The following GALNT13 variants were observed in gnomAD, a reference collection of about 807,000 sequenced individuals.
GALNT13 encodes UDP-GalNAc:polypeptide N-acetylgalactosaminyltransferase 13.
A neutral mutation model predicts 64.2 loss-of-function variants in GALNT13; 28 were observed. The observed-to-expected ratio is 0.44, with a 90% CI of 0.32 to 0.60. GALNT13 has a LOEUF of 0.60. Ranked by LOEUF, GALNT13 falls within the 20% of genes least tolerant of loss-of-function variation. GALNT13 has a pLI of 0.05. For synonymous variants in GALNT13, 214 were observed against 224.6 expected (o/e 0.95, Z 0.42); for missense variants, 577 against 669.8 (o/e 0.86, Z 1.53).
At chr2:153,748,047 A>G in the GALNT13 span, among the ~76,000 whole-genome samples, 1 of 152,220 alleles carries the variant, frequency 6.6e-6, no homozygotes, top group Admixed American at 6.6e-5. Flanking sequence ...AGTATATATA[A>G]AATATTAGTT....
chr2:153,798,548 A>G, the GALNT13 span, among the ~76,000 whole-genome samples: 1 of 152,156 alleles, frequency 6.6e-6, no homozygotes, highest in South Asian at 2.1e-4. Context: ...TTATATGCAA[A>G]CTGGCAATTT....
At chr2:153,406,076 C>G in the GALNT13 span, among the ~76,000 whole-genome samples, 1 of 152,160 alleles carries the variant, frequency 6.6e-6, no homozygotes, top group Non-Finnish European at 1.5e-5. Flanking sequence ...GCATATGAAC[C>G]AGGCGTCCTT....
chr2:154,223,802 A>G (rs1688448413), intron 4 of GALNT13, among the ~76,000 whole-genome samples: 1 of 152,086 alleles, frequency 6.6e-6, no homozygotes, highest in Admixed American at 6.6e-5. Flanking sequence ...ATTGAAATTA[A>G]AGATAGCTAT....
At chr2:153,152,411 C>G in the GALNT13 span, among the ~76,000 whole-genome samples, 1 of 148,742 alleles carries the variant, frequency 6.7e-6, no homozygotes, top group South Asian at 2.1e-4. Context: ...CACACACTTT[C>G]TTTTTTTTTC....
At chr2:154,354,884 C>A (rs1214894554) in intron 9 of GALNT13, among the ~76,000 whole-genome samples, 1 of 152,030 alleles carries the variant, frequency 6.6e-6, no homozygotes, top group Non-Finnish European at 1.5e-5. Context: ...CAGGGTTCTT[C>A]TACTCGAATG....
chr2:154,395,518 AAG>A (rs1699014420), intron 9 of GALNT13, among the ~76,000 whole-genome samples: 1 of 152,148 alleles, frequency 6.6e-6, no homozygotes, highest in Non-Finnish European at 1.5e-5. Context: ...GTTCAAGAAA[AAG>A]AACATATGTA....
chr2:154,431,534 G>T (rs1262078267), intron 11 of GALNT13, among the ~76,000 whole-genome samples: 4 of 152,144 alleles, frequency 2.6e-5, no homozygotes, highest in Non-Finnish European at 5.9e-5. Context: ...AAATTATTTA[G>T]ATGTTTTAGG....
At chr2:153,397,516 G>A in the GALNT13 span, among the ~76,000 whole-genome samples, 1 of 151,920 alleles carries the variant, frequency 6.6e-6, no homozygotes, top group South Asian at 2.1e-4. Flanking sequence ...TCTAGAGAAA[G>A]ATTTATCTCA....
chr2:153,743,973 T>G, the GALNT13 span, among the ~76,000 whole-genome samples: 27 of 152,254 alleles, frequency 1.8e-4, no homozygotes, highest in African/African-American at 6.0e-4. Context: ...TGACCTCCAG[T>G]TCCATCCATG....
At chr2:153,598,119 C>G in the GALNT13 span, among the ~76,000 whole-genome samples, 1 of 152,072 alleles carries the variant, frequency 6.6e-6, no homozygotes. Context: ...AAACCCAAAA[C>G]AGATCATACC....
At chr2:153,689,254 C>A in the GALNT13 span, among the ~76,000 whole-genome samples, 1 of 151,768 alleles carries the variant, frequency 6.6e-6, no homozygotes, top group Non-Finnish European at 1.5e-5. Flanking sequence ...ATGTGTATGT[C>A]GAATAATATG....
the GALNT13 span, among the ~76,000 whole-genome samples, chr2:153,325,114 G>GT: frequency 6.1e-3 from 445 of 72,668 alleles, 25 homozygotes; most frequent in East Asian, 0.059. Context: ...CTGGACCTGG[G>GT]TTTTTTTTTT....
chr2:153,564,604 T>C, the GALNT13 span, among the ~76,000 whole-genome samples: 2 of 151,998 alleles, frequency 1.3e-5, no homozygotes, highest in Non-Finnish European at 2.9e-5. Context: ...GTTTTTTTTT[T>C]TTTTGAGTTA....
intron 4 of GALNT13, among the ~76,000 whole-genome samples, chr2:154,218,803 A>T (rs1335496205): frequency 1.3e-5 from 2 of 152,098 alleles, no homozygotes; most frequent in African/African-American, 4.8e-5. Context: ...CTTATCTATT[A>T]TGCCTAATTT....
the GALNT13 span, among the ~76,000 whole-genome samples, chr2:153,741,452 G>T: frequency 6.6e-6 from 1 of 151,694 alleles, no homozygotes; most frequent in African/African-American, 2.4e-5. Flanking sequence ...ATCTATCTTT[G>T]ACACAATGGT....
At chr2:154,272,328 C>T (rs1691398283) in intron 8 of GALNT13, among the ~76,000 whole-genome samples, 1 of 151,792 alleles carries the variant, frequency 6.6e-6, no homozygotes, top group Non-Finnish European at 1.5e-5. Context: ...GCAGAATGTC[C>T]CTGTATATAG....
At chr2:153,529,642 T>G in the GALNT13 span, among the ~76,000 whole-genome samples, 1 of 151,658 alleles carries the variant, frequency 6.6e-6, no homozygotes, top group East Asian at 1.9e-4. Flanking sequence ...TGAATATTGA[T>G]ATAAATATCC....
Position 153,933,212 on chromosome 2 carries a change from G to C in GALNT13, c.-104-11182G>C, listed in dbSNP as rs141827977. 1.0e-3 allele frequency among the ~76,000 whole-genome samples: 159 copies of C among 152,158 alleles called. 1 individual carries two copies. Among genetic ancestry groups the C allele is most frequent in the African/African-American group, 3.7e-3 (153 of 41,530 alleles). On this transcript the variant is annotated intron_variant, in intron 2 of 12. Transcript: ENST00000392825. ...CCTCAATGATCTGTCTAATACTGTT[G>C]GTTGGGTGTTGAAGTCCCCCATTAC...
intron 3 of GALNT13, among the ~76,000 whole-genome samples, chr2:154,079,127 T>C (rs1701139985): frequency 6.6e-6 from 1 of 151,634 alleles, no homozygotes; most frequent in South Asian, 2.1e-4. Flanking sequence ...TCTACTGGTA[T>C]ATGGAGGGAT....
Sources: gnomAD v4.1 joint callset for allele counts (sites outside exome capture counted in the v4.1 genomes callset) on GRCh38, gnomAD v4.1.1 for gene constraint, MANE v1.5 for transcripts, NCBI Gene and HGNC (gene_info 2026-07-23, HGNC 2026-07-21) for gene names.